FYB2: variants seen among roughly 807,000 people sequenced by gnomAD.
FYB2 encodes the protein FYN binding protein 2.
A neutral mutation model predicts 94.1 loss-of-function variants in FYB2; 103 were observed. The observed-to-expected ratio is 1.09, with a 90% CI of 0.93 to 1.29. FYB2 has a LOEUF of 1.29. FYB2 is among the 50% of genes most tolerant of loss of function. The pLI is 0.00. For missense variants in FYB2, 896 were observed against 841.5 expected, an observed-to-expected ratio of 1.06 and a Z score of -0.80; for synonymous variants, 293 against 287.9, an observed-to-expected ratio of 1.02 and a Z score of -0.18.
chr1:56,751,745 C>A (rs941354331), intron 8 of FYB2, among the ~76,000 whole-genome samples: 1 of 152,032 alleles, frequency 6.6e-6, no homozygotes, highest in Non-Finnish European at 1.5e-5. Context: ...TTGTCAAGCA[C>A]TTACAGAAGG....
intron 4 of FYB2, among the ~76,000 whole-genome samples, chr1:56,771,266 T>C (rs1645747937): frequency 6.6e-6 from 1 of 152,080 alleles, no homozygotes; most frequent in Non-Finnish European, 1.5e-5. Flanking sequence ...TGTGTTCATA[T>C]GAGGAAATAC....
rs138615402 is a variant in FYB2, at chr1:56,758,840, G to A, written c.1064-90C>T. ...ATTAAAGCAGTTATAAAAGATTCCA[G>A]AATTCAGTTTTCTCACCTTTAAGAA... is the stretch of plus-strand genomic sequence containing the variant. On this transcript the variant is annotated intron_variant, in intron 5 of 19. Coordinates refer to ENST00000343433, the MANE Select transcript of FYB2 (RefSeq NM_001004303.5). The A allele has an allele frequency of 2.0e-5, 21 of 1,026,538 alleles. No individual in the cohort carries two copies. In the East Asian group the frequency reaches 4.9e-4, roughly 24 times the overall value. 63.6% of individuals were successfully genotyped at this position (1,026,538 alleles called of 1,614,324 possible).
At chr1:56,787,640 A>T (rs752198358) in intron 3 of FYB2, among the ~76,000 whole-genome samples, 2 of 152,198 alleles carry the variant, frequency 1.3e-5, no homozygotes, top group Non-Finnish European at 2.9e-5. Context: ...TCCTCACAAT[A>T]ATCCTAAGAG....
At chr1:56,759,685 T>C (rs1390401062) in intron 5 of FYB2, among the ~76,000 whole-genome samples, 1 of 152,168 alleles carries the variant, frequency 6.6e-6, no homozygotes, top group Non-Finnish European at 1.5e-5. Flanking sequence ...ATAGGGTGTT[T>C]CAGACAAATT....
chr1:56,802,557 G>A (rs1339850896), intron 1 of FYB2, among the ~76,000 whole-genome samples: 1 of 152,180 alleles, frequency 6.6e-6, no homozygotes, highest in Non-Finnish European at 1.5e-5. Flanking sequence ...CAGGCATGGA[G>A]GTGTGCCGTT....
At chr1:56,722,244 T>G (rs1644499949) in intron 17 of FYB2, among the ~76,000 whole-genome samples, 1 of 152,140 alleles carries the variant, frequency 6.6e-6, no homozygotes, top group South Asian at 2.1e-4. Flanking sequence ...TTATCAGTGA[T>G]GATGAGAGAT....
At chr1:56,721,120 T>C (rs1335075616) in intron 17 of FYB2, among the ~76,000 whole-genome samples, 1 of 152,038 alleles carries the variant, frequency 6.6e-6, no homozygotes, top group Non-Finnish European at 1.5e-5. Context: ...TGTTAGAAAC[T>C]CCTGAGAAAT....
At chr1:56,781,255 T>C (rs1646002014) in intron 4 of FYB2, among the ~76,000 whole-genome samples, 1 of 152,234 alleles carries the variant, frequency 6.6e-6, no homozygotes, top group African/African-American at 2.4e-5. Context: ...TGTCTTGCAC[T>C]GATTTTGTGC....
intron 4 of FYB2, among the ~76,000 whole-genome samples, chr1:56,779,620 TG>T (rs1343485016): frequency 6.6e-6 from 1 of 152,182 alleles, no homozygotes; most frequent in Non-Finnish European, 1.5e-5. Flanking sequence ...TAAAAGCTAG[TG>T]GAAGATGATA....
intron 4 of FYB2, among the ~76,000 whole-genome samples, chr1:56,782,293 A>G (rs1477662934): frequency 6.6e-6 from 1 of 152,080 alleles, no homozygotes; most frequent in Non-Finnish European, 1.5e-5. Context: ...TCACTCTCAA[A>G]CTCTCATTAT....
chr1:56,784,364 A>G (rs1184517856), intron 4 of FYB2, among the ~76,000 whole-genome samples: 1 of 152,182 alleles, frequency 6.6e-6, no homozygotes, highest in African/African-American at 2.4e-5. Context: ...ACATGAGATT[A>G]TCAGCACATT....
At chr1:56,757,167 A>G (rs1289631170) in intron 6 of FYB2, among the ~76,000 whole-genome samples, 2 of 152,162 alleles carry the variant, frequency 1.3e-5, no homozygotes, top group Non-Finnish European at 2.9e-5. Flanking sequence ...TTGGGATAAA[A>G]TGGGATAAAA....
Position 56,750,227 on chromosome 1 carries a change from A to G in FYB2, c.1387+817T>C, listed in dbSNP as rs539203554. 1.6e-3 allele frequency among the ~76,000 whole-genome samples: 242 copies of G among 152,238 alleles called. 1 individual carries two copies. The highest frequency in any genetic ancestry group is 5.6e-3 in the African/African-American group (234 of 41,564). On this transcript the variant is annotated intron_variant, in intron 9 of 19. Transcript: ENST00000343433. ...AAAAAGACTAATAGTTACTTAATAT[A>G]TGATCCAGAAACTTTATATGCATTG... is the stretch of plus-strand genomic sequence containing the variant.
intron 4 of FYB2, among the ~76,000 whole-genome samples, chr1:56,782,382 C>T (rs1481569686): frequency 6.6e-6 from 1 of 151,872 alleles, no homozygotes; most frequent in Non-Finnish European, 1.5e-5. Flanking sequence ...TTTTTGGTTA[C>T]AGTGTTGTTG....
At chr1:56,787,827 C>G (rs185525483) in intron 3 of FYB2, among the ~76,000 whole-genome samples, 1 of 152,198 alleles carries the variant, frequency 6.6e-6, no homozygotes, top group East Asian at 1.9e-4. Flanking sequence ...TGCTGACAAA[C>G]CTTCTTCTCA....
At chr1:56,786,644 G>A (rs561141678) in intron 4 of FYB2, among the ~76,000 whole-genome samples, 7 of 152,204 alleles carry the variant, frequency 4.6e-5, no homozygotes, top group African/African-American at 1.2e-4. Flanking sequence ...AAATGTGAGC[G>A]GCAGCAGCAA....
At chr1:56,801,383 C>T (rs34697176) in intron 1 of FYB2, among the ~76,000 whole-genome samples, 50,760 of 152,136 alleles carry the variant, frequency 0.33, 9,280 homozygotes, top group Non-Finnish European at 0.42. Flanking sequence ...TTGATGTCTT[C>T]CACAATATTC....
At chr1:56,803,456 C>T (rs1474776378) in intron 1 of FYB2, among the ~76,000 whole-genome samples, 1 of 152,140 alleles carries the variant, frequency 6.6e-6, no homozygotes, top group Non-Finnish European at 1.5e-5. Flanking sequence ...CAGCTCCAGG[C>T]ATAATCAATG....
chr1:56,728,480 C>CT (rs1219072546), intron 15 of FYB2, among the ~76,000 whole-genome samples: 10 of 152,028 alleles, frequency 6.6e-5, no homozygotes, highest in African/African-American at 2.4e-4. Flanking sequence ...ATGAGAAAGT[C>CT]AAGAAAACAG....
Sources: gnomAD v4.1 joint callset for allele counts (sites outside exome capture counted in the v4.1 genomes callset) on GRCh38, gnomAD v4.1.1 for gene constraint, MANE v1.5 for transcripts, NCBI Gene and HGNC (gene_info 2026-07-23, HGNC 2026-07-21) for gene names.